HECW1: variants seen among roughly 807,000 people sequenced by gnomAD.
HECW1 encodes the protein E3 ubiquitin-protein ligase HECW1.
HECW1 carries 61 observed loss-of-function variants against 182.3 expected under a neutral mutation model. The observed-to-expected ratio is 0.33, with a 90% CI of 0.27 to 0.41. The LOEUF is 0.41. Among genes scored for constraint, HECW1 ranks in the 10% least tolerant of loss-of-function variants. The pLI, the probability that HECW1 is intolerant of heterozygous loss-of-function variation, is 1.00. For missense variants in HECW1, 1,739 were observed against 2,108.9 expected, an observed-to-expected ratio of 0.82 and a Z score of 3.44; for synonymous variants, 859 against 832.6, an observed-to-expected ratio of 1.03 and a Z score of -0.55.
At chr7:43,471,670 G>A (rs1563023263) in intron 16 of HECW1, among the ~76,000 whole-genome samples, 1 of 152,202 alleles carries the variant, frequency 6.6e-6, no homozygotes, top group Non-Finnish European at 1.5e-5. Context: ...GAGATTGCAT[G>A]TGTGCCTCAA....
At chr7:43,227,225 T>C (rs934971111) in intron 2 of HECW1, among the ~76,000 whole-genome samples, 4 of 152,174 alleles carry the variant, frequency 2.6e-5, no homozygotes, top group Non-Finnish European at 5.9e-5. Flanking sequence ...AAATTCAGGC[T>C]ACTGAAATAA....
intron 3 of HECW1, among the ~76,000 whole-genome samples, chr7:43,250,185 TGGTAGC>T: frequency 6.6e-6 from 1 of 151,950 alleles, no homozygotes; most frequent in African/African-American, 2.4e-5. Context: ...AAACTGGATT[TGGTAGC>T]ATTGTATTTG....
intron 2 of HECW1, among the ~76,000 whole-genome samples, chr7:43,180,973 A>G (rs568949952): frequency 3.5e-4 from 54 of 152,198 alleles, no homozygotes; most frequent in African/African-American, 1.2e-3. Context: ...TTTGTAACAC[A>G]TTGGCCGACC....
At chr7:43,313,182 A>G (rs757492) in intron 4 of HECW1, among the ~76,000 whole-genome samples, 23,420 of 152,206 alleles carry the variant, frequency 0.15, 5,823 homozygotes, top group African/African-American at 0.52. Context: ...AGATGGAGGT[A>G]CATAAATTGT....
chr7:43,310,692 A>G (rs79529987), intron 3 of HECW1, among the ~76,000 whole-genome samples: 2,347 of 152,332 alleles, frequency 0.015, 62 homozygotes, highest in African/African-American at 0.052. Flanking sequence ...TCTAACTGAA[A>G]GAGTAGACTA....
At chr7:43,251,609 C>T (rs1376563465) in intron 3 of HECW1, among the ~76,000 whole-genome samples, 1 of 152,188 alleles carries the variant, frequency 6.6e-6, no homozygotes, top group African/African-American at 2.4e-5. Context: ...AGCCACCATG[C>T]CTGGCCACAA....
At chr7:43,149,099 T>C (rs1789022476) in intron 2 of HECW1, among the ~76,000 whole-genome samples, 2 of 152,118 alleles carry the variant, frequency 1.3e-5, no homozygotes, top group Non-Finnish European at 2.9e-5. Context: ...AATTAGAAGC[T>C]AAAAAGTTTT....
intron 3 of HECW1, among the ~76,000 whole-genome samples, chr7:43,293,141 A>G (rs1584357278): frequency 6.9e-6 from 1 of 144,368 alleles, no homozygotes; most frequent in Non-Finnish European, 1.5e-5. Context: ...AATCGCTTGA[A>G]CCCGGGAGGC....
At chr7:43,274,879 T>C (rs1348189305) in intron 3 of HECW1, among the ~76,000 whole-genome samples, 2 of 152,086 alleles carry the variant, frequency 1.3e-5, no homozygotes. Context: ...CACAAACTAA[T>C]GAAAAGTACT....
intron 2 of HECW1, among the ~76,000 whole-genome samples, chr7:43,226,675 G>A (rs1241627814): frequency 2.0e-5 from 3 of 152,210 alleles, no homozygotes; most frequent in Non-Finnish European, 2.9e-5. Context: ...AGATGGGTGA[G>A]GAAAGAGCCT....
intron 11 of HECW1, among the ~76,000 whole-genome samples, chr7:43,450,368 C>T (rs1181105087): frequency 1.3e-5 from 2 of 152,114 alleles, no homozygotes; most frequent in Admixed American, 1.3e-4. Context: ...AACAGCCTTT[C>T]GGCAGCCCTG....
chr7:43,444,383 G>A lies in HECW1; in HGVS notation c.1211G>A (p.Gly404Asp), dbSNP rs370379725. 1.9e-6 allele frequency: 3 copies of A among 1,613,942 alleles called. No individual in the cohort carries two copies. Among genetic ancestry groups the A allele is most frequent in the Non-Finnish European group, 2.5e-6 (3 of 1,180,002 alleles). Residue 404 changes from glycine to aspartate, a missense_variant, in exon 11 of 30, where the codon GGT becomes GAT. Gly to Asp is a moderately conservative substitution (Grantham distance 94). Around this residue, in one of 5 missense-constraint regions of HECW1, gnomAD observed 971 missense variants for 1,029.1 expected, o/e 0.94. Coordinates refer to ENST00000395891, the MANE Select transcript of HECW1 (RefSeq NM_015052.5). The surrounding 1 kb of genome is among the most constrained non-coding windows in gnomAD (Gnocchi z 4.3). ...CTGGGTGAGGGCAGTGTCCCCGATGGTCCAGGGAACCAAAGCATAGAGCTT... is the reference window on the plus strand; with the variant it reads ...CTGGGTGAGGGCAGTGTCCCCGATGATCCAGGGAACCAAAGCATAGAGCTT... ...EQLGEGSVPD[G>D]PGNQSIELSR...
At chr7:43,494,842 C>T (rs1051064039) in intron 19 of HECW1, among the ~76,000 whole-genome samples, 2 of 152,110 alleles carry the variant, frequency 1.3e-5, no homozygotes, top group Non-Finnish European at 2.9e-5. Flanking sequence ...GCATAATGTC[C>T]ATGGTCTCAA....
In HECW1 at chr7:43,351,401, C is replaced by A. The variant is rs143691497; in HGVS notation, c.461-9485C>A. ...CGGCTGTAGTAGTATGCAGAGGGAC[C>A]AGTGGTGGGCGATGCCTTAGAACTC... On this transcript the variant is annotated intron_variant, in intron 5 of 29. Transcript: ENST00000395891. Among the ~76,000 whole-genome samples, 411 of 152,238 alleles carry A rather than the reference C, an allele frequency of 2.7e-3. 5 individuals are homozygous for A. Among genetic ancestry groups the A allele is most frequent in the African/African-American group, 9.2e-3 (382 of 41,540 alleles).
chr7:43,238,598 C>T (rs1798595360), intron 2 of HECW1, among the ~76,000 whole-genome samples: 1 of 152,122 alleles, frequency 6.6e-6, no homozygotes. Flanking sequence ...TAAAGTGAAG[C>T]CATCTTTATG....
At chr7:43,268,887 T>A (rs774534639) in intron 3 of HECW1, among the ~76,000 whole-genome samples, 23 of 152,158 alleles carry the variant, frequency 1.5e-4, no homozygotes, top group Non-Finnish European at 2.9e-4. Flanking sequence ...TCCTCCCACC[T>A]CAGCCTCCTG....
intron 2 of HECW1, among the ~76,000 whole-genome samples, chr7:43,117,322 T>C (rs921788039): frequency 5.3e-5 from 8 of 152,184 alleles, no homozygotes; most frequent in Non-Finnish European, 1.2e-4. Flanking sequence ...AGTTTCTCTC[T>C]GGTTCCTCAT....
intron 8 of HECW1, among the ~76,000 whole-genome samples, chr7:43,415,068 A>G (rs1312507046): frequency 6.6e-6 from 1 of 150,890 alleles, no homozygotes; most frequent in Non-Finnish European, 1.5e-5. Flanking sequence ...TGATCCTGTC[A>G]TTATGATGTT....
At position 43,526,739 on chromosome 7, in the gene HECW1, G is replaced by A. The variant is rs142139013; in HGVS notation, c.4020-14424G>A. On this transcript the variant is annotated intron_variant, in intron 24 of 29. Transcript: ENST00000395891. ...AGCAGGGCCAGGTGCAGTGGCTCACGCCTGTAATCCCAACACTTTGGGAGG... is the reference window on the plus strand; with the variant it reads ...AGCAGGGCCAGGTGCAGTGGCTCACACCTGTAATCCCAACACTTTGGGAGG... 2.4e-3 allele frequency among the ~76,000 whole-genome samples: 363 copies of A among 152,274 alleles called. 1 individual carries two copies. The highest frequency in any genetic ancestry group is 8.1e-3 in the African/African-American group (336 of 41,546).
Sources: allele counts gnomAD v4.1 joint callset (sites outside exome capture counted in the v4.1 genomes callset), GRCh38; gene constraint gnomAD v4.1.1; regional missense constraint gnomAD v4.1.1; non-coding constraint Gnocchi (gnomAD v3.1); transcripts MANE v1.5; gene names NCBI Gene and HGNC (gene_info 2026-07-23, HGNC 2026-07-21).